Variants in ST7 observed in about 807,000 individuals in gnomAD.
The protein encoded by ST7 is suppression of tumorigenicity 7.
In ST7, 28 loss-of-function variants were observed where a neutral mutation model predicts 78.7. The ratio of observed to expected loss-of-function variants is 0.36; its 90% CI spans 0.26 to 0.49. ST7 has a LOEUF of 0.49. Ranked by LOEUF, ST7 falls within the 20% of genes least tolerant of loss-of-function variation. The pLI, the probability that ST7 is intolerant of heterozygous loss-of-function variation, is 0.99. For synonymous variants in ST7, 247 were observed against 249.6 expected, an observed-to-expected ratio of 0.99 and a Z score of 0.10; for missense variants, 418 against 696.0, an observed-to-expected ratio of 0.60 and a Z score of 4.49.
intron 1 of ST7, among the ~76,000 whole-genome samples, chr7:117,067,759 G>A (rs1189967715): frequency 6.6e-6 from 1 of 152,132 alleles, no homozygotes; most frequent in Admixed American, 6.5e-5. Flanking sequence ...CTAAAGTTTG[G>A]TCAAAGACTC....
chr7:117,153,979 G>A (rs1428584500), intron 9 of ST7, among the ~76,000 whole-genome samples: 1 of 152,154 alleles, frequency 6.6e-6, no homozygotes, highest in African/African-American at 2.4e-5. Context: ...ATATGAAAGA[G>A]AGGGGATCAC....
At chr7:117,149,592 CTTTTTTTTTTTTTT>C (rs59067333) in intron 9 of ST7, among the ~76,000 whole-genome samples, 1 of 83,942 alleles carries the variant, frequency 1.2e-5, no homozygotes, top group Non-Finnish European at 2.4e-5. Context: ...CGTGTCCTAC[CTTTTTTTTTTTTTT>C]TTTTTTTTTG....
intron 10 of ST7, among the ~76,000 whole-genome samples, chr7:117,174,490 A>G (rs1435339516): frequency 1.3e-5 from 2 of 151,930 alleles, no homozygotes; most frequent in Non-Finnish European, 2.9e-5. Flanking sequence ...TGTAGATGTG[A>G]TGTTATGAGA....
intron 1 of ST7, chr7:116,966,163 C>T: frequency 2.3e-6 from 1 of 425,636 alleles, no homozygotes; most frequent in Non-Finnish European, 4.8e-6. Context: ...GACATTAAGA[C>T]AGTATCTTTT....
rs541561364 is a variant in ST7 at position 117,055,588 on chromosome 7, A to AG, written c.152-44174_152-44173insG. On this transcript the variant is annotated intron_variant, in intron 1 of 15. Transcript: ENST00000323984. ...CAGGATTTGCACTCAGGTCATTGTC[A>AG]CCAATAACCTGTGCTCCAACCACTA... 8.7e-3 allele frequency among the ~76,000 whole-genome samples: 1,327 copies of AG among 152,272 alleles called. 22 individuals are homozygous for AG. The highest frequency in any genetic ancestry group is 0.029 in the African/African-American group (1,222 of 41,540).
At chr7:117,105,482 A>G (rs1316675014) in intron 2 of ST7, among the ~76,000 whole-genome samples, 1 of 152,070 alleles carries the variant, frequency 6.6e-6, no homozygotes, top group African/African-American at 2.4e-5. Flanking sequence ...GAGTCTCCCT[A>G]TATTGCCCAG....
At chr7:117,099,946 T>C in intron 2 of ST7, 102 bp downstream of exon 2, 1 of 822,270 alleles carries the variant, frequency 1.2e-6, no homozygotes, top group East Asian at 2.9e-5. Flanking sequence ...ACTAACAGGT[T>C]ACAGTGATTA....
intron 1 of ST7, among the ~76,000 whole-genome samples, chr7:116,985,043 G>A (rs1295774448): frequency 6.6e-6 from 1 of 152,028 alleles, no homozygotes; most frequent in African/African-American, 2.4e-5. Context: ...TATTTGTGAG[G>A]CTCTCCTATA....
intron 1 of ST7, among the ~76,000 whole-genome samples, chr7:117,076,802 G>A (rs564087544): frequency 3.9e-5 from 6 of 152,310 alleles, no homozygotes; most frequent in Admixed American, 3.9e-4. Flanking sequence ...TGCCATCCAC[G>A]GATGGCTTAA....
chr7:117,208,752 T>C (rs1348951312), intron 12 of ST7, among the ~76,000 whole-genome samples: 1 of 152,202 alleles, frequency 6.6e-6, no homozygotes, highest in African/African-American at 2.4e-5. Context: ...GGCAATTATT[T>C]CTGATGCTAA....
intron 1 of ST7, among the ~76,000 whole-genome samples, chr7:117,092,701 G>A (rs971102917): frequency 2.6e-5 from 4 of 152,304 alleles, no homozygotes; most frequent in Non-Finnish European, 5.9e-5. Context: ...ACCTTACTTT[G>A]GAGGTCTGAG....
intron 2 of ST7, among the ~76,000 whole-genome samples, chr7:117,100,925 G>A (rs1801523477): frequency 6.6e-6 from 1 of 152,148 alleles, no homozygotes; most frequent in Non-Finnish European, 1.5e-5. Flanking sequence ...TTACAGAGTT[G>A]ATGTTAAGAG....
intron 1 of ST7, among the ~76,000 whole-genome samples, chr7:116,973,928 C>G (rs1320767619): frequency 6.6e-6 from 1 of 152,164 alleles, no homozygotes; most frequent in Non-Finnish European, 1.5e-5. Flanking sequence ...TTTGATTTAT[C>G]AAGGGAAAGT....
At chr7:117,158,913 A>G (rs565245546) in intron 9 of ST7, among the ~76,000 whole-genome samples, 5 of 152,342 alleles carry the variant, frequency 3.3e-5, no homozygotes, top group Non-Finnish European at 7.3e-5. Flanking sequence ...TGCTCTTTGA[A>G]TATGATACAG....
intron 7 of ST7, 46 bp downstream of exon 7, chr7:117,134,238 C>T (rs1804601085): frequency 6.2e-7 from 1 of 1,609,042 alleles, no homozygotes; most frequent in African/African-American, 1.3e-5. Context: ...CCAAATGAGA[C>T]TTCTAGTGGA....
chr7:116,984,387 C>T (rs966427278), intron 1 of ST7, among the ~76,000 whole-genome samples: 3 of 152,168 alleles, frequency 2.0e-5, no homozygotes, highest in Non-Finnish European at 2.9e-5. Flanking sequence ...TGGCAGCAGT[C>T]TGGTTAATCC....
intron 1 of ST7, among the ~76,000 whole-genome samples, chr7:117,079,968 CTTTT>C (rs34326752): frequency 4.3e-3 from 282 of 65,296 alleles, no homozygotes; most frequent in African/African-American, 0.015. Flanking sequence ...TTTGTCATTC[CTTTT>C]TTTTTTTTTT....
intron 1 of ST7, among the ~76,000 whole-genome samples, chr7:117,067,674 A>G (rs1798714307): frequency 6.6e-6 from 1 of 152,148 alleles, no homozygotes; most frequent in African/African-American, 2.4e-5. Context: ...TTTTTGCAAT[A>G]ATTGGACGAT....
chr7:117,143,240 T>G (rs187537519), intron 9 of ST7, among the ~76,000 whole-genome samples: 1 of 152,276 alleles, frequency 6.6e-6, no homozygotes, highest in East Asian at 1.9e-4. Context: ...TCCCCGGTCT[T>G]TTTGCAGTTT....
Sources: gnomAD v4.1 joint callset for allele counts (sites outside exome capture counted in the v4.1 genomes callset) on GRCh38, gnomAD v4.1.1 for gene constraint, MANE v1.5 for transcripts, NCBI Gene and HGNC (gene_info 2026-07-23, HGNC 2026-07-21) for gene names.